XPO7: variants seen among roughly 807,000 people sequenced by gnomAD.
The protein encoded by XPO7 is exportin-7.
Under a neutral mutation model 144.3 loss-of-function variants are expected in XPO7, and 21 were observed. The observed-to-expected ratio is 0.15, with a 90% CI of 0.10 to 0.21. XPO7 has a LOEUF of 0.21. Ranked by LOEUF, XPO7 falls within the 10% of genes least tolerant of loss-of-function variation. The pLI is 1.00. For synonymous variants in XPO7, 580 were observed against 499.6 expected (o/e 1.16, Z -2.15); for missense variants, 808 against 1,325.8 (o/e 0.61, Z 6.06).
At chr8:21,957,116 T>C (rs1811560780) in intron 1 of XPO7, among the ~76,000 whole-genome samples, 1 of 152,038 alleles carries the variant, frequency 6.6e-6, no homozygotes. Flanking sequence ...CGGGAAAATC[T>C]TCCAAACTCC....
rs752685991 is a variant in XPO7, at chr8:21,971,859, A to T, written c.427-17A>T. 6.8e-6 allele frequency: 11 copies of T among 1,607,512 alleles called. No individual in the cohort carries two copies. The highest frequency in any genetic ancestry group is 1.7e-4 in the Middle Eastern group (1 of 6,030). ...CACACATGACAACTCTTTCTACCTT[A>T]TACTTTTTTTAACCAGGATAGTGTT... On this transcript the variant is annotated splice_polypyrimidine_tract_variant and intron_variant, in intron 4 of 27. Transcript: ENST00000252512.
At chr8:21,975,181 G>C (rs1462978840) in intron 6 of XPO7, among the ~76,000 whole-genome samples, 1 of 152,222 alleles carries the variant, frequency 6.6e-6, no homozygotes, top group East Asian at 1.9e-4. Flanking sequence ...AGTAGGTTCA[G>C]ACTATGTTGT....
Position 21,980,202 on chromosome 8 carries a change from A to T in XPO7, c.956A>T (p.Gln319Leu). 6.3e-7 allele frequency: 1 copy of T among 1,583,720 alleles called. No individual in the cohort carries two copies. Among genetic ancestry groups the T allele is most frequent in the Non-Finnish European group, 8.6e-7 (1 of 1,163,406 alleles). Residue 319 changes from glutamine (Q) to leucine (L), a missense_variant and splice_region_variant, in exon 9 of 28, where the codon CAG becomes CTG. By Grantham distance (113) the Gln-to-Leu change is moderately radical (BLOSUM62 -2). This residue lies in a region of XPO7 where 223 missense variants were observed against 368.8 expected (regional missense o/e 0.60). Transcript: ENST00000252512. ...GTTAAACGAATACTGGAAAACCCAC[A>T]GGTAAGTTTATCTGAGAATTTACAT... ...DGVKRILENP[Q>L]SLSDPNNYHE...
chr8:21,947,526 C>T (rs1271030571), intron 1 of XPO7, among the ~76,000 whole-genome samples: 1 of 152,044 alleles, frequency 6.6e-6, no homozygotes, highest in Non-Finnish European at 1.5e-5. Context: ...ATACCATCAC[C>T]ACTACCCCTG....
At chr8:21,950,374 A>G (rs1305324475) in intron 1 of XPO7, among the ~76,000 whole-genome samples, 1 of 152,204 alleles carries the variant, frequency 6.6e-6, no homozygotes, top group Non-Finnish European at 1.5e-5. Context: ...TTGGTGGACT[A>G]TTTCATATTC....
chr8:21,998,330 A>G (rs908962673), intron 21 of XPO7, among the ~76,000 whole-genome samples: 3 of 152,194 alleles, frequency 2.0e-5, no homozygotes, highest in Non-Finnish European at 4.4e-5. Context: ...AGTCCCAGCT[A>G]CTTGGGAGGC....
At chr8:21,963,086 T>C (rs1811775832) in intron 1 of XPO7, among the ~76,000 whole-genome samples, 1 of 152,220 alleles carries the variant, frequency 6.6e-6, no homozygotes, top group African/African-American at 2.4e-5. Flanking sequence ...TCTTTATATA[T>C]TTGTGGCATT....
intron 1 of XPO7, among the ~76,000 whole-genome samples, chr8:21,939,263 T>G (rs1370629344): frequency 1.3e-5 from 2 of 151,382 alleles, no homozygotes; most frequent in Non-Finnish European, 2.9e-5. Context: ...CTCTTCTTGC[T>G]GAGGCTGAAG....
Position 21,977,855 on chromosome 8 carries a change from C to G in XPO7, c.837+12C>G, listed in dbSNP as rs1387215119. 1 of 1,611,452 alleles carries G rather than the reference C, an allele frequency of 6.2e-7. No individual in the cohort carries two copies. The highest frequency in any genetic ancestry group is 1.1e-5 in the South Asian group (1 of 90,898). ...CATTTTCACCTCTGGTGAGTCAGGA[C>G]TACCGTTTCTTAAAGCAAACCTATT... is the stretch of plus-strand genomic sequence containing the variant. On this transcript the variant is annotated intron_variant, in intron 8 of 27. Transcript: ENST00000252512.
intron 1 of XPO7, among the ~76,000 whole-genome samples, chr8:21,941,455 T>C (rs1810992083): frequency 1.3e-5 from 2 of 152,226 alleles, no homozygotes. Flanking sequence ...CTCAGACTCA[T>C]ATACTTTAAA....
At position 21,951,259 on chromosome 8, in the gene XPO7, G is replaced by A. The variant is rs570915159; in HGVS notation, c.19-15598G>A. Among the ~76,000 whole-genome samples the A allele has an allele frequency of 3.3e-5, 5 of 151,868 alleles. No individual in the cohort carries two copies. The South Asian group carries it at 1.0e-3, about 32-fold the overall frequency. ...TAGATATGCTCACCTCTTTGGTTAA[G>A]TACGTCTTTTTTTTTTTAAACCTAT... On this transcript the variant is annotated intron_variant, in intron 1 of 27. Coordinates refer to ENST00000252512, the MANE Select transcript of XPO7 (RefSeq NM_015024.5).
At chr8:21,963,141 G>C (rs1811777964) in intron 1 of XPO7, among the ~76,000 whole-genome samples, 1 of 152,162 alleles carries the variant, frequency 6.6e-6, no homozygotes, top group African/African-American at 2.4e-5. Flanking sequence ...TCTACTCTAA[G>C]TTTTCTAGAA....
At position 22,005,223 on chromosome 8, in the gene XPO7, C is replaced by T. The variant is rs1813286898; in HGVS notation, c.*135C>T. On this transcript the variant is annotated 3_prime_UTR_variant, in exon 28 of 28. Transcript: ENST00000252512. ...GTGTGGGGAAAATGGCAAAGGTCAA[C>T]TAGCTGCTTCCCCAGGGAATAGGGG... 1 of 628,426 alleles carries T rather than the reference C, an allele frequency of 1.6e-6. No individual in the cohort carries two copies. Among genetic ancestry groups the T allele is most frequent in the South Asian group, 2.6e-5 (1 of 38,574 alleles). 38.9% of individuals were successfully genotyped at this position (628,426 alleles called of 1,614,324 possible).
chr8:22,003,460 T>C (rs1813222497), intron 26 of XPO7, 143 bp downstream of exon 26: 1 of 642,044 alleles, frequency 1.6e-6, no homozygotes, highest in South Asian at 2.0e-5. Context: ...GCAAGTCCCA[T>C]TTGTGCTTTC....
intron 1 of XPO7, among the ~76,000 whole-genome samples, chr8:21,936,675 A>G (rs1022884482): frequency 2.7e-4 from 41 of 152,230 alleles, no homozygotes; most frequent in African/African-American, 9.6e-4. Flanking sequence ...GTATATTAGC[A>G]TACTAAAGAC....
chr8:21,996,776 G>GTT (rs931357870), intron 21 of XPO7, among the ~76,000 whole-genome samples: 5 of 151,628 alleles, frequency 3.3e-5, no homozygotes, highest in African/African-American at 9.7e-5. Context: ...AATTAGTAAG[G>GTT]TTTTTTTTCT....
At chr8:21,983,890 G>C (rs1812484767) in intron 11 of XPO7, among the ~76,000 whole-genome samples, 2 of 152,134 alleles carry the variant, frequency 1.3e-5, no homozygotes, top group South Asian at 4.1e-4. Context: ...TCATATTGCA[G>C]TGTAACAACA....
chr8:21,965,114 G>A (rs1374229856), intron 1 of XPO7, among the ~76,000 whole-genome samples: 2 of 149,748 alleles, frequency 1.3e-5, no homozygotes, highest in Admixed American at 1.3e-4. Context: ...TGTCTTTCTT[G>A]TTACCTATTT....
At position 21,971,935 on chromosome 8, in the gene XPO7, T is replaced by A; in HGVS notation, c.486T>A (p.Ile162=). The A allele has an allele frequency of 6.2e-7, 1 of 1,613,550 alleles. No homozygotes were observed. The highest frequency in any genetic ancestry group is 1.1e-5 in the South Asian group (1 of 91,086). ...VTILSQLTNE[I]NQADTTHPLT... is the part of the protein sequence containing the mutation. ...TTTTATCTCAGCTAACCAATGAAATTAATCAAGTAAGTGCTACAGCCTTCC... is the reference window on the plus strand; with the variant it reads ...TTTTATCTCAGCTAACCAATGAAATAAATCAAGTAAGTGCTACAGCCTTCC... The change falls in exon 5 of 28, where the codon ATT becomes ATA. Residue 162 remains isoleucine, a synonymous_variant. Transcript: ENST00000252512.
Sources: gnomAD v4.1 joint callset for allele counts (sites outside exome capture counted in the v4.1 genomes callset) on GRCh38, gnomAD v4.1.1 for gene constraint, gnomAD v4.1.1 regional missense constraint, MANE v1.5 for transcripts, NCBI Gene and HGNC (gene_info 2026-07-23, HGNC 2026-07-21) for gene names.